Variants in MAFK observed in about 807,000 individuals in gnomAD.
MAFK encodes transcription factor MafK.
MAFK carries 1 observed loss-of-function variant against 9.2 expected under a neutral mutation model. The observed-to-expected ratio is 0.11, with a 90% confidence interval of 0.04 to 0.52. The LOEUF (loss-of-function observed/expected upper bound fraction) is 0.52. Ranked by LOEUF, MAFK falls within the 20% of genes least tolerant of loss-of-function variation. The probability of loss-of-function intolerance (pLI) is 0.94; values close to 1 mark genes in which losing one functional copy is unlikely to be tolerated. For missense variants in MAFK, 207 were observed against 236.0 expected, an observed-to-expected ratio of 0.88 and a Z score of 0.81; for synonymous variants, 110 against 107.4, an observed-to-expected ratio of 1.02 and a Z score of -0.15.
At chr7:1,537,300 T>A in intron 1 of MAFK, 1 of 856,898 alleles carries the variant, frequency 1.2e-6, no homozygotes, top group Non-Finnish European at 1.4e-6. Context: ...CAGGAGCGGG[T>A]CCTTGCTGGG....
At position 1,534,458 on chromosome 7, in the gene MAFK, C is replaced by G. The variant is rs1226263412; in HGVS notation, c.-45+3560C>G. The G allele has an allele frequency of 4.6e-6, 2 of 435,984 alleles. No homozygotes were observed. The highest frequency in any genetic ancestry group is 3.2e-5 in the South Asian group (2 of 62,376). 27.0% of individuals were successfully genotyped at this position (435,984 alleles called of 1,614,324 possible). On this transcript the variant is annotated intron_variant, in intron 1 of 2. Coordinates refer to ENST00000343242, the MANE Select transcript of MAFK (RefSeq NM_002360.4). The surrounding 1 kb of genome is among the most constrained non-coding windows in gnomAD (Gnocchi z 4.3). ...TGGCCTCTGGTTTTGTGGATTGCAC[C>G]TGCCGTGGGAGTCACTGGTCGGGGG...
intron 1 of MAFK, among the ~76,000 whole-genome samples, chr7:1,535,836 C>T (rs528715253): frequency 2.6e-5 from 4 of 152,334 alleles, no homozygotes; most frequent in Admixed American, 6.5e-5. Context: ...CCCTGCCCTG[C>T]GCTTTATGGA....
chr7:1,536,658 C>T (rs1037572739), intron 1 of MAFK, among the ~76,000 whole-genome samples: 1 of 152,242 alleles, frequency 6.6e-6, no homozygotes, highest in Non-Finnish European at 1.5e-5. Flanking sequence ...TCTGAATGTC[C>T]TTCCAAAAGC....
In MAFK at chr7:1,532,844, G is replaced by A. The variant is rs201177327; in HGVS notation, c.-45+1946G>A. On this transcript the variant is annotated intron_variant, in intron 1 of 2. Transcript: ENST00000343242. The surrounding 1 kb of genome is among the most constrained non-coding windows in gnomAD (Gnocchi z 4.5). ...TTCTGGAGTGGACTTTCTGGGTTTC[G>A]GGTCCAGTCCACACGGGAAATGGAA... Among the ~76,000 whole-genome samples the A allele has an allele frequency of 3.3e-5, 5 of 152,244 alleles. No individual in the cohort carries two copies. In the East Asian group the frequency reaches 9.6e-4, roughly 29 times the overall value.
At position 1,532,056 on chromosome 7, in the gene MAFK, C is replaced by G. The variant is rs1273943391; in HGVS notation, c.-45+1158C>G. ...TCCTGAGACTCAAAACGCCCCCCAC[C>G]GCCCCCCATCGTGGTCTAGGGGATA... On this transcript the variant is annotated intron_variant, in intron 1 of 2. Transcript: ENST00000343242. The surrounding 1 kb of genome is among the most constrained non-coding windows in gnomAD (Gnocchi z 4.5). Among the ~76,000 whole-genome samples, 1 of 152,220 alleles carries G rather than the reference C, an allele frequency of 6.6e-6. No homozygotes were observed. Among genetic ancestry groups the G allele is most frequent in the African/African-American group, 2.4e-5 (1 of 41,456 alleles).
chr7:1,538,072 T>G, intron 1 of MAFK: 2 of 173,030 alleles, frequency 1.2e-5, no homozygotes, highest in Non-Finnish European at 1.1e-5. Context: ...GGCCTCGTGA[T>G]GTCTGTGCAA....
At chr7:1,539,827 G>T (rs899239222) in intron 2 of MAFK, 114 bp from the exon 3 acceptor site, 1 of 939,112 alleles carries the variant, frequency 1.1e-6, no homozygotes, top group Non-Finnish European at 1.5e-6. Context: ...GCGAAGGCCA[G>T]CCCTGAGAGC....
chr7:1,539,061 G>A, intron 1 of MAFK, 88 bp from the exon 2 acceptor site: 1 of 1,006,864 alleles, frequency 9.9e-7, no homozygotes, highest in Non-Finnish European at 1.5e-6. Flanking sequence ...CCCGGGCTGA[G>A]AAGCATCCCT....
intron 1 of MAFK, chr7:1,537,365 A>G: frequency 1.0e-6 from 1 of 985,272 alleles, no homozygotes; most frequent in Non-Finnish European, 1.2e-6. Context: ...CTGGTGACTC[A>G]CCGCATAGCT....
At position 1,537,305 on chromosome 7, in the gene MAFK, G is replaced by C; in HGVS notation, c.-44-1844G>C. On this transcript the variant is annotated intron_variant, in intron 1 of 2. Coordinates refer to ENST00000343242, the MANE Select transcript of MAFK (RefSeq NM_002360.4). ...CCCGGGGGCCCAGGAGCGGGTCCTT[G>C]CTGGGTGGGAGGCCCGGGTGTGTGG... The C allele has an allele frequency of 5.6e-6, 5 of 893,850 alleles. 1 individual carries two copies. In the South Asian group the frequency reaches 2.6e-4, roughly 46 times the overall value. 55.4% of individuals were successfully genotyped at this position (893,850 alleles called of 1,614,324 possible). A position where few individuals can be genotyped will look rare whatever the true frequency, so the allele number is the denominator to read the frequency against.
At position 1,532,953 on chromosome 7, in the gene MAFK, T is replaced by TC. The variant is rs1353496009; in HGVS notation, c.-45+2056dup. Among the ~76,000 whole-genome samples the TC allele has an allele frequency of 6.6e-6, 1 of 152,120 alleles. No homozygotes were observed. The highest frequency in any genetic ancestry group is 1.9e-4 in the East Asian group (1 of 5,188). ...ACCGCTCCGTCCCCACCCTCCCTGC[T>TC]CTCCGCGAATGGAAGATGCCTTTCC... On this transcript the variant is annotated intron_variant, in intron 1 of 2. Coordinates refer to ENST00000343242, the MANE Select transcript of MAFK (RefSeq NM_002360.4). The surrounding 1 kb of genome is among the most constrained non-coding windows in gnomAD (Gnocchi z 4.5).
At chr7:1,533,980 C>T (rs981036660) in intron 1 of MAFK, 1 of 345,810 alleles carries the variant, frequency 2.9e-6, no homozygotes, top group Non-Finnish European at 5.8e-6. Flanking sequence ...GCAGTCTGCT[C>T]TCTGCTGCTG....
intron 1 of MAFK, among the ~76,000 whole-genome samples, chr7:1,537,118 A>C (rs1428550581): frequency 2.6e-5 from 4 of 152,252 alleles, no homozygotes; most frequent in African/African-American, 9.6e-5. Flanking sequence ...CCGCAGTGTC[A>C]CAGGGCATCG....
chr7:1,535,517 TG>T (rs1784006426), intron 1 of MAFK, among the ~76,000 whole-genome samples: 1 of 152,138 alleles, frequency 6.6e-6, no homozygotes, highest in African/African-American at 2.4e-5. Flanking sequence ...TCTCTGGGTG[TG>T]GGGGTGCCCA....
rs369242312 is a variant in MAFK, at chr7:1,540,363, G to A, written c.459G>A (p.Ser153=). ...TELSSTSVPF[S]AAS is the part of the protein sequence containing the mutation. The stretch of plus-strand genomic sequence containing the variant: ...TCTCCTCCACCTCCGTGCCCTTCTC[G>A]GCTGCATCCTAGTGCCGGCCGGGGG... Residue 153 remains serine (S), a synonymous_variant, in exon 3 of 3, where the codon TCG becomes TCA. Transcript: ENST00000343242. 194 of 1,588,650 alleles carry A rather than the reference G, an allele frequency of 1.2e-4. No homozygotes were observed. The highest frequency in any genetic ancestry group is 1.2e-3 in the Admixed American group (71 of 58,600).
chr7:1,540,467 C>A lies in MAFK; in HGVS notation c.*92C>A. The A allele has an allele frequency of 8.0e-7, 1 of 1,255,478 alleles. No individual in the cohort carries two copies. The highest frequency in any genetic ancestry group is 1.6e-5 in the South Asian group (1 of 64,242). The allele number at this position is 1,255,478 out of a possible 1,614,324, so 77.8% of individuals were successfully genotyped here. ...TACCTGTCACTGGGATGCAGACTCT[C>A]GACATCCGAGTCCAAGCGCAGGCCC... On this transcript the variant is annotated 3_prime_UTR_variant, in exon 3 of 3. Transcript: ENST00000343242.
In MAFK at chr7:1,540,383, C is replaced by T. The variant is rs764971305; in HGVS notation, c.*8C>T. ...TTCTCGGCTGCATCCTAGTGCCGGC[C>T]GGGGGCGGGGGGTGGCGGGCGGCGG... is the stretch of plus-strand genomic sequence containing the variant. On this transcript the variant is annotated 3_prime_UTR_variant, in exon 3 of 3. Transcript: ENST00000343242. 3.1e-4 allele frequency: 174 copies of T among 560,832 alleles called. 1 individual carries two copies. In the East Asian group the frequency reaches 0.02, roughly 64 times the overall value. 34.7% of individuals were successfully genotyped at this position (560,832 alleles called of 1,614,324 possible). A position where few individuals can be genotyped will look rare whatever the true frequency, so the allele number is the denominator to read the frequency against.
chr7:1,533,981 T>C, intron 1 of MAFK: 1 of 346,030 alleles, frequency 2.9e-6, no homozygotes, highest in East Asian at 7.6e-5. Flanking sequence ...CAGTCTGCTC[T>C]CTGCTGCTGC....
intron 1 of MAFK, among the ~76,000 whole-genome samples, chr7:1,536,623 T>C (rs1380024554): frequency 6.6e-6 from 1 of 152,252 alleles, no homozygotes; most frequent in African/African-American, 2.4e-5. Context: ...CTTTACAAAC[T>C]TTTTTTGTGC....
Sources: allele counts gnomAD v4.1 joint callset (sites outside exome capture counted in the v4.1 genomes callset), GRCh38; gene constraint gnomAD v4.1.1; non-coding constraint Gnocchi (gnomAD v3.1); transcripts MANE v1.5; gene names NCBI Gene and HGNC (gene_info 2026-07-23, HGNC 2026-07-21).